PHF14: variants seen among roughly 807,000 people sequenced by gnomAD.
PHF14 encodes PHD finger protein 14.
Under a neutral mutation model 117.9 loss-of-function variants are expected in PHF14, and 55 were observed. That is an observed-to-expected ratio of 0.47 (90% CI 0.38 to 0.58). PHF14 has a LOEUF of 0.58. Among genes scored for constraint, PHF14 ranks in the 20% least tolerant of loss-of-function variants. PHF14 has a pLI of 0.00. For synonymous variants in PHF14, 409 were observed against 368.6 expected (o/e 1.11, Z -1.26); for missense variants, 978 against 1,122.2 (o/e 0.87, Z 1.84).
At chr7:11,004,264 A>G (rs1179515777) in intron 4 of PHF14, among the ~76,000 whole-genome samples, 2 of 149,866 alleles carry the variant, frequency 1.3e-5, no homozygotes, top group African/African-American at 2.4e-5. Context: ...AAAAAAAAAA[A>G]AAAAAGAAAA....
intron 16 of PHF14, among the ~76,000 whole-genome samples, chr7:11,064,252 A>G (rs1424952206): frequency 4.6e-5 from 7 of 151,810 alleles, no homozygotes; most frequent in Non-Finnish European, 7.4e-5. Context: ...AATATCTGCC[A>G]TTTTCCCTGG....
chr7:11,042,926 TTGAC>T, intron 13 of PHF14, 112 bp downstream of exon 13: 1 of 714,704 alleles, frequency 1.4e-6, no homozygotes, highest in African/African-American at 1.9e-5. Context: ...CATTTTAAAA[TTGAC>T]TGTCATCAAT....
intron 16 of PHF14, chr7:11,062,802 C>T: frequency 2.0e-6 from 2 of 984,966 alleles, no homozygotes; most frequent in South Asian, 9.4e-5. Flanking sequence ...AGTGTGTGAA[C>T]AAAAAGAGAG....
intron 17 of PHF14, among the ~76,000 whole-genome samples, chr7:11,141,016 C>G (rs140128286): frequency 3.9e-5 from 6 of 152,162 alleles, no homozygotes; most frequent in African/African-American, 1.4e-4. Flanking sequence ...TTCTGAGGAA[C>G]ATAAGACAGA....
chr7:11,165,770 A>G (rs184635422), intron 17 of PHF14, among the ~76,000 whole-genome samples: 7 of 152,298 alleles, frequency 4.6e-5, no homozygotes, highest in Admixed American at 3.9e-4. Context: ...ATAAAGAAAA[A>G]CCGAGGGTCT....
In PHF14 at chr7:11,169,495, T is replaced by C. The variant is rs918429773; in HGVS notation, c.*5T>C. On this transcript the variant is annotated 3_prime_UTR_variant, in exon 18 of 18. Transcript: ENST00000634607. ...CAGAAAAATCCAAAGAAATAAAAGA[T>C]TTTCTGTAGTGTTTTTGAAAAGTTT... 1 of 1,405,920 alleles carries C rather than the reference T, an allele frequency of 7.1e-7. No individual in the cohort carries two copies. The highest frequency in any genetic ancestry group is 9.6e-7 in the Non-Finnish European group (1 of 1,038,520). The allele number at this position is 1,405,920 out of a possible 1,614,324, so 87.1% of individuals were successfully genotyped here. A position where few individuals can be genotyped will look rare whatever the true frequency, so the allele number is the denominator to read the frequency against.
At chr7:11,054,108 T>C (rs1328557549) in intron 14 of PHF14, among the ~76,000 whole-genome samples, 25 of 152,116 alleles carry the variant, frequency 1.6e-4, no homozygotes, top group Non-Finnish European at 2.1e-4. Context: ...AAAGCATTTT[T>C]TAAGACACTT....
At position 11,069,306 on chromosome 7, in the gene PHF14, T is replaced by C. The variant is rs1785528890; in HGVS notation, c.2654+7221T>C. On this transcript the variant is annotated intron_variant, in intron 16 of 17. Coordinates refer to ENST00000634607, the MANE Select transcript of PHF14 (RefSeq NM_001007157.2). ...TCCCAAACAAAGGTTCCTGCTGTTT[T>C]ATGGACCCAGGGGCTTCTGGAAGGG... Among the ~76,000 whole-genome samples the C allele has an allele frequency of 2.0e-5, 3 of 152,082 alleles. 1 individual carries two copies. Among genetic ancestry groups the C allele is most frequent in the African/African-American group, 7.2e-5 (3 of 41,406 alleles).
chr7:11,161,516 G>A (rs1317359099), intron 17 of PHF14, among the ~76,000 whole-genome samples: 2 of 151,746 alleles, frequency 1.3e-5, no homozygotes, highest in Middle Eastern at 3.4e-3. Context: ...GCCAATCACT[G>A]ATTTTTATTC....
intron 17 of PHF14, among the ~76,000 whole-genome samples, chr7:11,136,540 CAT>C (rs1788225416): frequency 6.6e-6 from 1 of 152,154 alleles, no homozygotes; most frequent in African/African-American, 2.4e-5. Flanking sequence ...AAGTCTTTTG[CAT>C]AGTTATTACT....
intron 16 of PHF14, among the ~76,000 whole-genome samples, chr7:11,067,471 A>G (rs1455209721): frequency 1.3e-5 from 2 of 152,224 alleles, no homozygotes; most frequent in East Asian, 1.9e-4. Flanking sequence ...TTCTAGCTGT[A>G]CACCCAAAGC....
rs184299612 is a variant in PHF14, at chr7:11,032,618, G to A, written c.1456-3022G>A. On this transcript the variant is annotated intron_variant, in intron 7 of 17. Transcript: ENST00000634607. Reference sequence around the variant, plus strand: ...GAGTAGAGTTAAAAAAGAAAACCTTGAATTTAAATGACTTTAGATGGGGCA... The same window carrying A: ...GAGTAGAGTTAAAAAAGAAAACCTTAAATTTAAATGACTTTAGATGGGGCA... Among the ~76,000 whole-genome samples the A allele has an allele frequency of 6.5e-3, 997 of 152,226 alleles. 7 individuals carry two copies. Among genetic ancestry groups the A allele is most frequent in the Non-Finnish European group, 0.01 (713 of 67,992 alleles).
chr7:11,052,106 C>A (rs1784868028), intron 14 of PHF14, among the ~76,000 whole-genome samples: 1 of 152,152 alleles, frequency 6.6e-6, no homozygotes, highest in Non-Finnish European at 1.5e-5. Context: ...CAGAGGCCAC[C>A]TCTTTACTCA....
chr7:11,040,784 T>A lies in PHF14; in HGVS notation c.2180+9T>A. 1 of 1,308,500 alleles carries A rather than the reference T, an allele frequency of 7.6e-7. No individual in the cohort carries two copies. The allele number at this position is 1,308,500 out of a possible 1,614,324, so 81.1% of individuals were successfully genotyped here. A position where few individuals can be genotyped will look rare whatever the true frequency, so the allele number is the denominator to read the frequency against. On this transcript the variant is annotated intron_variant, in intron 12 of 17. Transcript: ENST00000634607. ...CCTGCAGTACTTTATAGGCAAGTAA[T>A]GAAATTAATAATGATAGAATAATGT...
At chr7:11,118,122 A>C (rs1040392892) in intron 17 of PHF14, among the ~76,000 whole-genome samples, 22 of 151,888 alleles carry the variant, frequency 1.4e-4, no homozygotes, top group Admixed American at 2.6e-4. Flanking sequence ...TAATACAGAT[A>C]TGTAAAAAGT....
intron 16 of PHF14, chr7:11,104,895 T>G: frequency 1.0e-6 from 1 of 978,042 alleles, no homozygotes; most frequent in Non-Finnish European, 1.2e-6. Flanking sequence ...AACATCGTTG[T>G]GTTGTGCTTA....
chr7:11,069,540 T>G (rs1447284311), intron 16 of PHF14, among the ~76,000 whole-genome samples: 1 of 30,998 alleles, frequency 3.2e-5, no homozygotes, highest in African/African-American at 4.0e-4. Flanking sequence ...CTTTTATGTA[T>G]TTTTTTTAAT....
At chr7:11,005,905 G>A (rs1402532955) in intron 4 of PHF14, among the ~76,000 whole-genome samples, 3 of 141,160 alleles carry the variant, frequency 2.1e-5, no homozygotes, top group Non-Finnish European at 3.0e-5. Context: ...CGATTCTCCC[G>A]CCTCAGCCTC....
At chr7:11,040,990 A>G (rs1298318336) in intron 12 of PHF14, among the ~76,000 whole-genome samples, 4 of 152,048 alleles carry the variant, frequency 2.6e-5, no homozygotes, top group Non-Finnish European at 5.9e-5. Context: ...GGAAATGAGC[A>G]GTACCCTTTG....
Sources: gnomAD v4.1 joint callset for allele counts (sites outside exome capture counted in the v4.1 genomes callset) on GRCh38, gnomAD v4.1.1 for gene constraint, MANE v1.5 for transcripts, NCBI Gene and HGNC (gene_info 2026-07-23, HGNC 2026-07-21) for gene names.